PTPRR: variants seen among roughly 807,000 people sequenced by gnomAD.
PTPRR encodes the protein receptor-type tyrosine-protein phosphatase R.
Under a neutral mutation model 77.2 loss-of-function variants are expected in PTPRR, and 38 were observed. The ratio of observed to expected loss-of-function variants is 0.49; its 90% CI spans 0.38 to 0.65. The LOEUF (loss-of-function observed/expected upper bound fraction) is 0.65, where lower values mean the gene tolerates loss of function less well. Among genes scored for constraint, PTPRR ranks in the 30% least tolerant of loss-of-function variants. The pLI is 0.00. For synonymous variants in PTPRR, 299 were observed against 283.1 expected, an observed-to-expected ratio of 1.06 and a Z score of -0.57; for missense variants, 744 against 799.2, an observed-to-expected ratio of 0.93 and a Z score of 0.83.
At chr12:70,873,615 T>C (rs1306423666) in intron 2 of PTPRR, among the ~76,000 whole-genome samples, 10 of 152,314 alleles carry the variant, frequency 6.6e-5, no homozygotes, top group East Asian at 1.9e-4. Context: ...TGGAATCCTC[T>C]GATGAAGACT....
At chr12:70,754,602 G>T (rs1480801235) in intron 4 of PTPRR, 2 of 1,597,830 alleles carry the variant, frequency 1.3e-6, no homozygotes, top group African/African-American at 2.7e-5. Flanking sequence ...ATAGGTAAGA[G>T]AGTTCTGTTC....
chr12:70,878,990 C>A (rs918671666), intron 2 of PTPRR, among the ~76,000 whole-genome samples: 1 of 152,088 alleles, frequency 6.6e-6, no homozygotes. Flanking sequence ...TTCTCAGCAA[C>A]CTATTGAAAG....
At chr12:70,893,545 A>G (rs575261907) in intron 1 of PTPRR, among the ~76,000 whole-genome samples, 38 of 152,066 alleles carry the variant, frequency 2.5e-4, no homozygotes, top group African/African-American at 8.4e-4. Context: ...TGTAAGTAAT[A>G]TGGCCATCTA....
intron 4 of PTPRR, among the ~76,000 whole-genome samples, chr12:70,761,139 T>C (rs987989014): frequency 6.6e-6 from 1 of 152,196 alleles, no homozygotes; most frequent in Non-Finnish European, 1.5e-5. Flanking sequence ...TTTTGTTTAT[T>C]TGACATATCA....
intron 1 of PTPRR, among the ~76,000 whole-genome samples, chr12:70,900,034 C>A (rs1004258434): frequency 6.6e-6 from 1 of 151,174 alleles, no homozygotes; most frequent in Non-Finnish European, 1.5e-5. Flanking sequence ...CAGAGACGAC[C>A]TAAATAAACA....
intron 2 of PTPRR, among the ~76,000 whole-genome samples, chr12:70,833,422 T>C (rs1892249294): frequency 6.6e-6 from 1 of 152,090 alleles, no homozygotes; most frequent in Admixed American, 6.6e-5. Context: ...GTTTTGTGCT[T>C]GTTAGACAGC....
At chr12:70,786,781 G>A (rs1044721991) in intron 2 of PTPRR, among the ~76,000 whole-genome samples, 13 of 152,118 alleles carry the variant, frequency 8.5e-5, no homozygotes, top group Middle Eastern at 3.2e-3. Context: ...CAAGAAACAC[G>A]GTAAAATGAA....
intron 1 of PTPRR, among the ~76,000 whole-genome samples, chr12:70,909,389 T>G (rs1214141153): frequency 3.3e-5 from 5 of 152,184 alleles, no homozygotes; most frequent in Admixed American, 6.5e-5. Context: ...AGAATCACTG[T>G]CCAGATCCTC....
intron 2 of PTPRR, among the ~76,000 whole-genome samples, chr12:70,803,546 G>A (rs1418287291): frequency 6.6e-6 from 1 of 152,152 alleles, no homozygotes; most frequent in Non-Finnish European, 1.5e-5. Flanking sequence ...GATCTCACAG[G>A]ACCACTGGAT....
chr12:70,898,485 TTTACATA>T (rs71437159), intron 1 of PTPRR, among the ~76,000 whole-genome samples: 2,419 of 148,944 alleles, frequency 0.016, 28 homozygotes, highest in African/African-American at 0.029. Flanking sequence ...TATAATTATT[TTTACATA>T]TTACATATTA....
At chr12:70,729,851 G>T (rs1889590376) in intron 6 of PTPRR, among the ~76,000 whole-genome samples, 1 of 150,874 alleles carries the variant, frequency 6.6e-6, no homozygotes, top group African/African-American at 2.4e-5. Context: ...AAAAACCTGA[G>T]GAGTCCAATA....
At chr12:70,767,485 C>A (rs1195278578) in intron 2 of PTPRR, among the ~76,000 whole-genome samples, 1 of 151,870 alleles carries the variant, frequency 6.6e-6, no homozygotes, top group African/African-American at 2.4e-5. Flanking sequence ...TATATATGCA[C>A]CCAATACAGG....
At chr12:70,734,892 C>T (rs1223266625) in intron 6 of PTPRR, among the ~76,000 whole-genome samples, 4 of 152,170 alleles carry the variant, frequency 2.6e-5, no homozygotes, top group Non-Finnish European at 4.4e-5. Context: ...TCCTGTTTTA[C>T]TCACCCTGGG....
intron 6 of PTPRR, among the ~76,000 whole-genome samples, chr12:70,743,881 T>C (rs1269863288): frequency 2.0e-5 from 3 of 152,214 alleles, no homozygotes; most frequent in African/African-American, 4.8e-5. Context: ...ATGCTGGGAA[T>C]GGCTACTTTC....
At chr12:70,762,484 A>G (rs1030471077) in intron 3 of PTPRR, among the ~76,000 whole-genome samples, 2 of 152,218 alleles carry the variant, frequency 1.3e-5, no homozygotes, top group African/African-American at 4.8e-5. Context: ...AAAATGAAGT[A>G]TCAGTTTACT....
intron 6 of PTPRR, among the ~76,000 whole-genome samples, chr12:70,733,427 C>CAACAAAAAAAAA (rs1555171072): frequency 3.3e-4 from 9 of 27,052 alleles, no homozygotes; most frequent in Non-Finnish European, 5.5e-4. Context: ...CAAACAACAA[C>CAACAAAAAAAAA]AAAAAAAAAA....
chr12:70,759,137 T>A (rs1025658985), intron 4 of PTPRR, among the ~76,000 whole-genome samples: 1 of 152,162 alleles, frequency 6.6e-6, no homozygotes, highest in Non-Finnish European at 1.5e-5. Context: ...AGTCTTGCTA[T>A]GTTGCTCAGG....
chr12:70,816,290 T>C (rs1194334911), intron 2 of PTPRR, among the ~76,000 whole-genome samples: 2 of 152,036 alleles, frequency 1.3e-5, no homozygotes, highest in Admixed American at 6.6e-5. Flanking sequence ...TATGCAAATA[T>C]GAAAATGAAT....
chr12:70,801,408 G>A (rs894564430), intron 2 of PTPRR, among the ~76,000 whole-genome samples: 1 of 152,186 alleles, frequency 6.6e-6, no homozygotes, highest in Non-Finnish European at 1.5e-5. Flanking sequence ...CCCATTGTGG[G>A]TTGGCTTCTT....
Sources: gnomAD v4.1 joint callset for allele counts (sites outside exome capture counted in the v4.1 genomes callset) on GRCh38, gnomAD v4.1.1 for gene constraint, MANE v1.5 for transcripts, NCBI Gene and HGNC (gene_info 2026-07-23, HGNC 2026-07-21) for gene names.